RNF220: variants seen among roughly 807,000 people sequenced by gnomAD.
RNF220 encodes the protein ring finger protein 220.
In RNF220, 7 loss-of-function variants were observed where a neutral mutation model predicts 67.1. The ratio of observed to expected loss-of-function variants is 0.10; its 90% CI spans 0.06 to 0.20. The LOEUF (loss-of-function observed/expected upper bound fraction) is 0.20, where lower values mean the gene tolerates loss of function less well. Ranked by LOEUF, RNF220 falls within the 10% of genes least tolerant of loss-of-function variation. RNF220 has a pLI of 1.00. For synonymous variants in RNF220, 270 were observed against 283.2 expected (o/e 0.95, Z 0.47); for missense variants, 565 against 740.3 (o/e 0.76, Z 2.75).
chr1:44,647,146 C>T (rs1391603018), intron 12 of RNF220, among the ~76,000 whole-genome samples: 3 of 152,210 alleles, frequency 2.0e-5, no homozygotes, highest in Non-Finnish European at 2.9e-5. Flanking sequence ...TCATTCTCTC[C>T]TGGCCTCATC....
At chr1:44,551,658 C>A (rs1282639875) in intron 2 of RNF220, among the ~76,000 whole-genome samples, 1 of 152,160 alleles carries the variant, frequency 6.6e-6, no homozygotes, top group African/African-American at 2.4e-5. Context: ...ATTTTTAAAT[C>A]TTTACTAATT....
intron 2 of RNF220, among the ~76,000 whole-genome samples, chr1:44,541,695 G>A (rs1396387866): frequency 6.6e-6 from 1 of 152,174 alleles, no homozygotes; most frequent in Non-Finnish European, 1.5e-5. Context: ...GTTGGAAGGT[G>A]CTGCTTCTCA....
intron 2 of RNF220, among the ~76,000 whole-genome samples, chr1:44,538,196 C>T (rs1023969310): frequency 1.3e-5 from 2 of 152,152 alleles, no homozygotes; most frequent in Non-Finnish European, 2.9e-5. Flanking sequence ...TCACTGGAGA[C>T]CTTGTTTTCA....
intron 2 of RNF220, among the ~76,000 whole-genome samples, chr1:44,527,070 G>A (rs1280712001): frequency 6.6e-6 from 1 of 151,850 alleles, no homozygotes; most frequent in South Asian, 2.1e-4. Flanking sequence ...AGCTCATCAT[G>A]CCTGTAGTTT....
At chr1:44,517,840 T>G (rs941714918) in intron 2 of RNF220, among the ~76,000 whole-genome samples, 39 of 152,208 alleles carry the variant, frequency 2.6e-4, no homozygotes, top group African/African-American at 9.2e-4. Context: ...GGTACGGTGG[T>G]CCACACCTGT....
chr1:44,411,966 T>G lies in RNF220; in HGVS notation c.-117-15T>G, dbSNP rs1315656335. The G allele has an allele frequency of 5.9e-6, 6 of 1,017,490 alleles. No homozygotes were observed. The highest frequency in any genetic ancestry group is 8.4e-6 in the Non-Finnish European group (6 of 711,552). The allele number at this position is 1,017,490 out of a possible 1,614,324, so 63.0% of individuals were successfully genotyped here. ...TTTCCTCCCCCTTCTTTTTTTCTCT[T>G]TGCTGTTTCTACAGGTCTTAGGAGG... is the stretch of plus-strand genomic sequence containing the variant. On this transcript the variant is annotated splice_polypyrimidine_tract_variant and intron_variant, in intron 1 of 14. Coordinates refer to ENST00000361799, the MANE Select transcript of RNF220 (RefSeq NM_018150.4).
At chr1:44,424,884 C>G (rs1649597565) in intron 2 of RNF220, among the ~76,000 whole-genome samples, 1 of 152,256 alleles carries the variant, frequency 6.6e-6, no homozygotes, top group African/African-American at 2.4e-5. Flanking sequence ...TGGGCTCCAG[C>G]CCGCTTATCT....
At chr1:44,472,661 A>G (rs947943417) in intron 2 of RNF220, among the ~76,000 whole-genome samples, 2 of 152,244 alleles carry the variant, frequency 1.3e-5, no homozygotes, top group Non-Finnish European at 2.9e-5. Flanking sequence ...AAGGCCCTTC[A>G]GGATCTGGCC....
rs954186770 is a variant in RNF220 at position 44,416,235 on chromosome 1, T to C, written c.625+3513T>C. ...GGAAGGAGACTGAGGTAACTCCTGC[T>C]TATTGTCACTCCTTGAATCAGTCCC... On this transcript the variant is annotated intron_variant, in intron 2 of 14. Transcript: ENST00000361799. Among the ~76,000 whole-genome samples the C allele has an allele frequency of 2.0e-5, 3 of 152,348 alleles. No individual in the cohort carries two copies. The South Asian group carries it at 6.2e-4, about 32-fold the overall frequency.
chr1:44,499,070 G>A (rs923947530), intron 2 of RNF220, among the ~76,000 whole-genome samples: 1 of 152,010 alleles, frequency 6.6e-6, no homozygotes, highest in African/African-American at 2.4e-5. Context: ...ACTCCAATGG[G>A]AAGGACTGCA....
chr1:44,537,314 A>G (rs942071922), intron 2 of RNF220, among the ~76,000 whole-genome samples: 1 of 152,164 alleles, frequency 6.6e-6, no homozygotes, highest in African/African-American at 2.4e-5. Flanking sequence ...TCCTTCTGGA[A>G]GCCATAGTTC....
intron 2 of RNF220, among the ~76,000 whole-genome samples, chr1:44,535,135 C>CTTTTTTTT (rs903715852): frequency 9.7e-5 from 10 of 103,010 alleles, no homozygotes; most frequent in African/African-American, 1.7e-4. Flanking sequence ...GCAGCTTCTT[C>CTTTTTTTT]TTTTTTTTTT....
At chr1:44,595,254 A>C (rs1666392892) in intron 2 of RNF220, among the ~76,000 whole-genome samples, 1 of 152,110 alleles carries the variant, frequency 6.6e-6, no homozygotes, top group Non-Finnish European at 1.5e-5. Context: ...GGCACCCAAC[A>C]CCTCGGCCGG....
At chr1:44,573,757 C>T (rs1664611284) in intron 2 of RNF220, among the ~76,000 whole-genome samples, 1 of 152,152 alleles carries the variant, frequency 6.6e-6, no homozygotes, top group Non-Finnish European at 1.5e-5. Context: ...ATCATCTAAC[C>T]CTTGCTTACC....
At position 44,650,156 on chromosome 1, in the gene RNF220, C is replaced by T; in HGVS notation, c.1629+199C>T. 1 of 617,348 alleles carries T rather than the reference C, an allele frequency of 1.6e-6. No individual in the cohort carries two copies. Among genetic ancestry groups the T allele is most frequent in the Non-Finnish European group, 2.8e-6 (1 of 352,858 alleles). 38.2% of individuals were successfully genotyped at this position (617,348 alleles called of 1,614,324 possible). On this transcript the variant is annotated intron_variant, in intron 14 of 14. Coordinates refer to ENST00000361799, the MANE Select transcript of RNF220 (RefSeq NM_018150.4). This position sits in a 1 kb window ranked among gnomAD's most constrained non-coding sequence, Gnocchi z 4.3. ...TCCCCAACTGCAGGTTTAGGAACTT[C>T]TCCCCCTCCATGAGTTCACTGCATT...
intron 2 of RNF220, among the ~76,000 whole-genome samples, chr1:44,434,741 C>T (rs1650779068): frequency 6.6e-6 from 1 of 151,204 alleles, no homozygotes. Flanking sequence ...ATTACTTTGG[C>T]TGTTGCGTGA....
At chr1:44,439,426 A>C (rs1651328666) in intron 2 of RNF220, among the ~76,000 whole-genome samples, 2 of 151,718 alleles carry the variant, frequency 1.3e-5, no homozygotes, top group South Asian at 4.1e-4. Context: ...AATAGGAAGG[A>C]TATTAATCTT....
chr1:44,458,225 CCAGCCTGAG>C (rs2147949633), intron 2 of RNF220, among the ~76,000 whole-genome samples: 1 of 152,026 alleles, frequency 6.6e-6, no homozygotes, highest in East Asian at 1.9e-4. Context: ...CACCGTACTC[CCAGCCTGAG>C]CAGCAGAGTG....
chr1:44,536,413 C>A (rs1248558667), intron 2 of RNF220, among the ~76,000 whole-genome samples: 3 of 152,184 alleles, frequency 2.0e-5, no homozygotes, highest in Non-Finnish European at 4.4e-5. Flanking sequence ...TGGAGAGCAG[C>A]AAGTGGTGCA....
Sources: allele counts gnomAD v4.1 joint callset (sites outside exome capture counted in the v4.1 genomes callset), GRCh38; gene constraint gnomAD v4.1.1; non-coding constraint Gnocchi (gnomAD v3.1); transcripts MANE v1.5; gene names NCBI Gene and HGNC (gene_info 2026-07-23, HGNC 2026-07-21).